Variants in ADAMTS16 observed in about 807,000 individuals in gnomAD.
The protein encoded by ADAMTS16 is ADAM metallopeptidase with thrombospondin type 1 motif 16.
A neutral mutation model predicts 145.8 loss-of-function variants in ADAMTS16; 94 were observed. That is an observed-to-expected ratio of 0.64 (90% confidence interval 0.55 to 0.77). ADAMTS16 has a LOEUF of 0.77. Among genes scored for constraint, ADAMTS16 ranks in the 30% least tolerant of loss-of-function variants. The pLI is 0.00. For synonymous variants in ADAMTS16, 659 were observed against 604.3 expected (o/e 1.09, Z -1.33); for missense variants, 1,585 against 1,591.5 (o/e 1.00, Z 0.07).
At chr5:5,217,923 C>T (rs1027215592) in intron 10 of ADAMTS16, among the ~76,000 whole-genome samples, 25 of 152,086 alleles carry the variant, frequency 1.6e-4, no homozygotes, top group Admixed American at 1.1e-3. Flanking sequence ...AAACATAAGC[C>T]GCCAGAATTG....
chr5:5,182,342 G>A (rs1289061507), intron 4 of ADAMTS16, 37 bp downstream of exon 4: 3 of 1,583,206 alleles, frequency 1.9e-6, no homozygotes, highest in Non-Finnish European at 2.6e-6. Context: ...ATTTAGTGAT[G>A]CTGACATTTA....
intron 17 of ADAMTS16, among the ~76,000 whole-genome samples, chr5:5,262,155 T>A (rs1017161988): frequency 1.3e-5 from 2 of 152,244 alleles, no homozygotes; most frequent in African/African-American, 4.8e-5. Context: ...GTCATGATTG[T>A]TAAAGTTAGC....
chr5:5,318,967 C>A, intron 22 of ADAMTS16, 56 bp from the exon 23 acceptor site: 1 of 1,311,300 alleles, frequency 7.6e-7, no homozygotes, highest in Non-Finnish European at 1.1e-6. Context: ...TATTAGCTGG[C>A]AACATCAGTC....
At position 5,320,239 on chromosome 5, in the gene ADAMTS16, C is replaced by A; in HGVS notation, c.*1101C>A. 4.1e-6 allele frequency: 1 copy of A among 243,308 alleles called. No individual in the cohort carries two copies. The highest frequency in any genetic ancestry group is 7.9e-6 in the Non-Finnish European group (1 of 126,746). 15.1% of individuals were successfully genotyped at this position (243,308 alleles called of 1,614,324 possible). A position where few individuals can be genotyped will look rare whatever the true frequency, so the allele number is the denominator to read the frequency against. ...TCCTGTCCGGTGCTGTGGCTCCATT[C>A]CAAAGGGGCACCTGGATATTTATAT... On this transcript the variant is annotated 3_prime_UTR_variant, in exon 23 of 23. Transcript: ENST00000274181. This position sits in a 1 kb window ranked among gnomAD's most constrained non-coding sequence, Gnocchi z 5.1.
At position 5,215,870 on chromosome 5, in the gene ADAMTS16, GTATATATATATATA is replaced by G. The variant is rs55703329; in HGVS notation, c.1605+6656_1605+6669del. Among the ~76,000 whole-genome samples, 457 of 101,618 alleles carry G rather than the reference GTATATATATATATA, an allele frequency of 4.5e-3. 5 individuals are homozygous for G. The highest frequency in any genetic ancestry group is 0.029 in the East Asian group (114 of 3,916). The allele number at this position is 101,618 out of a possible 152,430, so 66.7% of individuals were successfully genotyped here. ...ATATATATATATGTGGTGTGTATGT[GTATATATATATATA>G]TATATATATATATATATATATATAT... On this transcript the variant is annotated intron_variant, in intron 10 of 22. Coordinates refer to ENST00000274181, the MANE Select transcript of ADAMTS16 (RefSeq NM_139056.4).
chr5:5,152,493 G>A (rs1560925194), intron 3 of ADAMTS16, among the ~76,000 whole-genome samples: 1 of 152,238 alleles, frequency 6.6e-6, no homozygotes, highest in East Asian at 1.9e-4. Flanking sequence ...TGCCTGCCTG[G>A]AACAGAGCTT....
At chr5:5,203,336 T>C (rs1022912114) in intron 9 of ADAMTS16, among the ~76,000 whole-genome samples, 13 of 152,342 alleles carry the variant, frequency 8.5e-5, no homozygotes, top group African/African-American at 2.9e-4. Context: ...CTGTCTTGTT[T>C]GATTGTTTGC....
rs1485236141 is a variant in ADAMTS16, at chr5:5,310,920, C to T, written c.3411+4192C>T. On this transcript the variant is annotated intron_variant, in intron 21 of 22. Coordinates refer to ENST00000274181, the MANE Select transcript of ADAMTS16 (RefSeq NM_139056.4). This position sits in a 1 kb window ranked among gnomAD's most constrained non-coding sequence, Gnocchi z 4.3. ...TCAGCTGCCTGAAGGCAAGTGCCTT[C>T]TTTCACTTTATATGCTGCAGAGCCC... Among the ~76,000 whole-genome samples the T allele has an allele frequency of 6.6e-6, 1 of 152,204 alleles. No individual in the cohort carries two copies. Among genetic ancestry groups the T allele is most frequent in the Non-Finnish European group, 1.5e-5 (1 of 68,040 alleles).
intron 21 of ADAMTS16, among the ~76,000 whole-genome samples, chr5:5,308,601 C>T (rs1236820250): frequency 6.6e-6 from 1 of 152,202 alleles, no homozygotes; most frequent in Non-Finnish European, 1.5e-5. Flanking sequence ...AAACAGACAG[C>T]TGCCTGGACA....
chr5:5,275,609 ATAGT>A (rs1738657318), intron 18 of ADAMTS16, among the ~76,000 whole-genome samples: 1 of 152,062 alleles, frequency 6.6e-6, no homozygotes, highest in African/African-American at 2.4e-5. Context: ...GTATTGTTAG[ATAGT>A]TATAGTTTCT....
chr5:5,309,859 TG>T lies in ADAMTS16; in HGVS notation c.3411+3132del, dbSNP rs201260829. Among the ~76,000 whole-genome samples, 115 of 148,096 alleles carry T rather than the reference TG, an allele frequency of 7.8e-4. 1 individual carries two copies. The East Asian group carries it at 0.021, about 28-fold the overall frequency. Reference sequence around the variant, plus strand: ...GTGTGTGTGTGTGTGTGTGTGTGCATGTGATCAGAAGAGGGAGAGGCGCTGC... The same window carrying T: ...GTGTGTGTGTGTGTGTGTGTGTGCATTGATCAGAAGAGGGAGAGGCGCTGC... On this transcript the variant is annotated intron_variant, in intron 21 of 22. Transcript: ENST00000274181.
chr5:5,203,957 T>C (rs1736021850), intron 9 of ADAMTS16, among the ~76,000 whole-genome samples: 1 of 152,162 alleles, frequency 6.6e-6, no homozygotes. Context: ...TTGTGCATAA[T>C]GGAAATAATA....
rs530816783 is a variant in ADAMTS16, at chr5:5,309,134, G to A, written c.3411+2406G>A. ...CACATATACAGTCATCCCTCTCTAC[G>A]GGAATTGGATACCAAAATCTGAGGA... On this transcript the variant is annotated intron_variant, in intron 21 of 22. Coordinates refer to ENST00000274181, the MANE Select transcript of ADAMTS16 (RefSeq NM_139056.4). Among the ~76,000 whole-genome samples, 63 of 152,172 alleles carry A rather than the reference G, an allele frequency of 4.1e-4. 1 individual carries two copies. The Middle Eastern group carries it at 0.031, about 74-fold the overall frequency.
At chr5:5,265,623 GTGTT>G (rs574051958) in intron 18 of ADAMTS16, among the ~76,000 whole-genome samples, 73 of 152,350 alleles carry the variant, frequency 4.8e-4, no homozygotes, top group African/African-American at 1.7e-3. Flanking sequence ...AACCATGTTG[GTGTT>G]TGTTCATGAC....
intron 3 of ADAMTS16, among the ~76,000 whole-genome samples, chr5:5,177,380 T>C (rs1029553794): frequency 6.6e-6 from 1 of 152,218 alleles, no homozygotes; most frequent in Non-Finnish European, 1.5e-5. Flanking sequence ...TGATGCATGA[T>C]TCCTGTGACC....
At chr5:5,250,179 C>T (rs965656445) in intron 17 of ADAMTS16, among the ~76,000 whole-genome samples, 4 of 152,148 alleles carry the variant, frequency 2.6e-5, no homozygotes, top group Non-Finnish European at 5.9e-5. Flanking sequence ...GCTGTGGGTC[C>T]AGGCTTAAGG....
chr5:5,250,648 A>G (rs1737592753), intron 17 of ADAMTS16, among the ~76,000 whole-genome samples: 1 of 151,266 alleles, frequency 6.6e-6, no homozygotes, highest in African/African-American at 2.4e-5. Context: ...ACTGACTTCT[A>G]TTCTGCCTTC....
At chr5:5,305,174 CA>C (rs1740032768) in intron 20 of ADAMTS16, among the ~76,000 whole-genome samples, 1 of 65,452 alleles carries the variant, frequency 1.5e-5, no homozygotes, top group African/African-American at 5.3e-5. Flanking sequence ...TATCCCACAC[CA>C]CACACACATC....
chr5:5,278,631 T>C (rs947319326), intron 18 of ADAMTS16, among the ~76,000 whole-genome samples: 8 of 152,252 alleles, frequency 5.3e-5, no homozygotes, highest in Admixed American at 2.6e-4. Context: ...TTAACAAATA[T>C]AATTGAGTGT....
Sources: gnomAD v4.1 joint callset for allele counts (sites outside exome capture counted in the v4.1 genomes callset) on GRCh38, gnomAD v4.1.1 for gene constraint, Gnocchi (gnomAD v3.1) non-coding constraint, MANE v1.5 for transcripts, NCBI Gene and HGNC (gene_info 2026-07-23, HGNC 2026-07-21) for gene names.